Variants in POU2F2 observed in about 807,000 individuals in gnomAD.
The protein encoded by POU2F2 is POU domain, class 2, transcription factor 2.
POU2F2 carries 14 observed loss-of-function variants against 63.5 expected under a neutral mutation model. That is an observed-to-expected ratio of 0.22 (90% CI 0.15 to 0.34). POU2F2 has a LOEUF of 0.34. Ranked by LOEUF, POU2F2 falls within the 10% of genes least tolerant of loss-of-function variation. The pLI, the probability that POU2F2 is intolerant of heterozygous loss-of-function variation, is 1.00. For synonymous variants in POU2F2, 306 were observed against 348.6 expected, an observed-to-expected ratio of 0.88 and a Z score of 1.36; for missense variants, 607 against 815.2, an observed-to-expected ratio of 0.74 and a Z score of 3.11.
intron 1 of POU2F2, among the ~76,000 whole-genome samples, chr19:42,188,383 A>G (rs1373016405): frequency 6.6e-6 from 1 of 151,508 alleles, no homozygotes; most frequent in Non-Finnish European, 1.5e-5. Flanking sequence ...AAAAAAAGAA[A>G]AAAAGGGCCG....
In POU2F2 at chr19:42,096,185, C is replaced by T; in HGVS notation, c.626G>A (p.Cys209Tyr). Reference protein sequence around the residue: ...PHLSHPQPPKCLEPPSHPEEP... With the variant: ...PHLSHPQPPKYLEPPSHPEEP... ...CTCGGGGTGGGATGGTGGCTCCAAG[C>T]ATTTGGGGGGCTGCGGGTGCGAGAG... is the stretch of plus-strand genomic sequence containing the variant. The change falls in exon 8 of 15, where the codon TGC becomes TAC. Residue 209 changes from cysteine (C) to tyrosine (Y), a missense_variant. By Grantham distance (194) the Cys-to-Tyr change is radical. This residue lies in a region of POU2F2 where 224 missense variants were observed against 264.3 expected (regional missense o/e 0.85). Transcript: ENST00000692977. The surrounding 1 kb of genome is among the most constrained non-coding windows in gnomAD (Gnocchi z 4.1). 1 of 1,612,212 alleles carries T rather than the reference C, an allele frequency of 6.2e-7. No homozygotes were observed. The highest frequency in any genetic ancestry group is 8.5e-7 in the Non-Finnish European group (1 of 1,179,184).
At chr19:42,137,475 G>T (rs1023088517), upstream of POU2F2, among the ~76,000 whole-genome samples, 1 of 152,124 alleles carries the variant, frequency 6.6e-6, no homozygotes, top group African/African-American at 2.4e-5. Context: ...TAATCCTGGC[G>T]CTTTGAGAGG....
intron 5 of POU2F2, among the ~76,000 whole-genome samples, chr19:42,101,455 G>A (rs1299860167): frequency 2.0e-5 from 3 of 152,166 alleles, no homozygotes; most frequent in African/African-American, 2.4e-5. Context: ...ACGGGAAGAT[G>A]ATGTGAAGAG....
At chr19:42,124,587 C>G (rs1046769829) in intron 1 of POU2F2, among the ~76,000 whole-genome samples, 2 of 152,180 alleles carry the variant, frequency 1.3e-5, no homozygotes, top group African/African-American at 4.8e-5. Context: ...AAAAGAAACA[C>G]GTGTCCTGCC....
rs761057632 is a variant in POU2F2, at chr19:42,101,902, G to A, written c.370-2081C>T. ...TGAGGCAGGAGAATCGCTTGAAGCCGGGAGGCGGAGGTTGCAGTGAGTTCA... is the reference window on the plus strand; with the variant it reads ...TGAGGCAGGAGAATCGCTTGAAGCCAGGAGGCGGAGGTTGCAGTGAGTTCA... On this transcript the variant is annotated intron_variant, in intron 5 of 14. Coordinates refer to ENST00000692977, the MANE Select transcript of POU2F2 (RefSeq NM_001394376.1). 4.6e-5 allele frequency among the ~76,000 whole-genome samples: 7 copies of A among 151,934 alleles called. No individual in the cohort carries two copies. In the South Asian group the frequency reaches 6.3e-4, roughly 14 times the overall value.
At chr19:42,129,477 C>T (rs980862235) in intron 1 of POU2F2, among the ~76,000 whole-genome samples, 1 of 152,178 alleles carries the variant, frequency 6.6e-6, no homozygotes, top group African/African-American at 2.4e-5. Flanking sequence ...TTTCACTTCT[C>T]CTCTGCATTT....
chr19:42,148,901 C>T lies in POU2F2; in HGVS notation c.-9+11431G>A, dbSNP rs144531259. The stretch of plus-strand genomic sequence containing the variant: ...CATGGACCCAGGCGTCTTGAATCCA[C>T]GCCCCATGTTCCTTAAAGCATGACC... On this transcript the variant is annotated intron_variant, in intron 2 of 6. Coordinates refer to the POU2F2 transcript ENST00000524801. Among the ~76,000 whole-genome samples, 412 of 152,268 alleles carry T rather than the reference C, an allele frequency of 2.7e-3. 3 individuals are homozygous for T. Among genetic ancestry groups the T allele is most frequent in the Non-Finnish European group, 3.9e-3 (264 of 68,018 alleles).
chr19:42,122,020 A>G, intron 4 of POU2F2, 106 bp downstream of exon 4: 2 of 1,204,290 alleles, frequency 1.7e-6, no homozygotes, highest in South Asian at 1.2e-5. Flanking sequence ...CTCGTTACCA[A>G]GGTACCAAGG....
In POU2F2 at chr19:42,091,338, GGAGGATGAGGATGAA is replaced by G; in HGVS notation, c.1779_1793del (p.Ser597_Ser601del). The G allele has an allele frequency of 6.5e-7, 1 of 1,536,072 alleles. No homozygotes were observed. The highest frequency in any genetic ancestry group is 8.7e-7 in the Non-Finnish European group (1 of 1,146,808). On this transcript the variant is annotated inframe_deletion, in exon 15 of 15. Coordinates refer to ENST00000692977, the MANE Select transcript of POU2F2 (RefSeq NM_001394376.1). ...CCGTCTCGCTGCAAGTGGAGGAGGA[GGAGGATGAGGATGAA>G]GAGGATGAGGAGGAGAGGCCAGGAG...
chr19:42,092,187 G>A lies in POU2F2; in HGVS notation c.1348C>T (p.Pro450Ser). 1 of 1,567,548 alleles carries A rather than the reference G, an allele frequency of 6.4e-7. No homozygotes were observed. The change falls in exon 13 of 15, where the codon CCC (proline) becomes TCC (serine). Residue 450 changes from proline to serine, a missense_variant. Pro to Ser is a moderately conservative substitution (Grantham distance 74). This residue lies in a region of POU2F2 where 270 missense variants were observed against 307.5 expected (regional missense o/e 0.88). Transcript: ENST00000692977. This position sits in a 1 kb window ranked among gnomAD's most constrained non-coding sequence, Gnocchi z 5.0. Reference protein sequence around the residue: ...GGGGGGGAAPPLNSIPSVTPP... With the variant: ...GGGGGGGAAPSLNSIPSVTPP... ...GTGACAGAGGGGATGGAATTGAGGG[G>A]GGGCGCAGCCCCGCCCCCGCCCCCA...
intron 2 of POU2F2, among the ~76,000 whole-genome samples, chr19:42,138,093 G>C (rs1483398401): frequency 1.3e-5 from 2 of 152,162 alleles, no homozygotes; most frequent in Non-Finnish European, 2.9e-5. Context: ...GGAGTGGCAT[G>C]GTTCTATGAA....
chr19:42,095,260 C>G lies in POU2F2; in HGVS notation c.1197+26G>C. The G allele has an allele frequency of 6.2e-7, 1 of 1,601,254 alleles. No homozygotes were observed. Reference sequence around the variant, plus strand: ...GTGCCTGCGGAGCTCTGTGGTCTCCCCACCCCCCAGGCGGGCTCTTGGTAC... The same window carrying G: ...GTGCCTGCGGAGCTCTGTGGTCTCCGCACCCCCCAGGCGGGCTCTTGGTAC... On this transcript the variant is annotated intron_variant, in intron 11 of 14. Coordinates refer to ENST00000692977, the MANE Select transcript of POU2F2 (RefSeq NM_001394376.1). This position sits in a 1 kb window ranked among gnomAD's most constrained non-coding sequence, Gnocchi z 7.1.
At chr19:42,097,680 G>A (rs1011608078) in intron 7 of POU2F2, among the ~76,000 whole-genome samples, 2 of 152,044 alleles carry the variant, frequency 1.3e-5, no homozygotes, top group Non-Finnish European at 2.9e-5. Flanking sequence ...CATGTGGGGC[G>A]TGACTGTAGT....
chr19:42,099,484 C>A (rs1376647051), intron 7 of POU2F2, 43 bp downstream of exon 7: 1 of 1,532,506 alleles, frequency 6.5e-7, no homozygotes, highest in Non-Finnish European at 9.0e-7. Context: ...TTCAGCAGGC[C>A]TTGCTGCTGG....
At chr19:42,130,704 TC>T (rs1464173713) in intron 1 of POU2F2, among the ~76,000 whole-genome samples, 8 of 151,336 alleles carry the variant, frequency 5.3e-5, no homozygotes, top group African/African-American at 1.9e-4. Context: ...CTTCCTTTCA[TC>T]CCACCCCTCT....
chr19:42,193,098 C>T (rs1034445431), intron 1 of POU2F2, among the ~76,000 whole-genome samples: 1 of 149,556 alleles, frequency 6.7e-6, no homozygotes. Flanking sequence ...TGGTGGTGGG[C>T]GACTGTAGTC....
intron 4 of POU2F2, 159 bp downstream of exon 4, chr19:42,121,967 G>A: frequency 1.3e-6 from 1 of 752,700 alleles, no homozygotes; most frequent in Non-Finnish European, 2.2e-6. Flanking sequence ...GTGAGTCACA[G>A]GCCTGGGGTG....
chr19:42,165,111 C>CTGTG (rs1453365856), intron 1 of POU2F2, among the ~76,000 whole-genome samples: 2 of 152,164 alleles, frequency 1.3e-5, no homozygotes, highest in Non-Finnish European at 2.9e-5. Context: ...AATTGACAGA[C>CTGTG]TGTGGCTAGG....
At position 42,095,324 on chromosome 19, in the gene POU2F2, G is replaced by A; in HGVS notation, c.1159C>T (p.Pro387Ser). The A allele has an allele frequency of 6.2e-7, 1 of 1,613,856 alleles. No individual in the cohort carries two copies. The highest frequency in any genetic ancestry group is 8.5e-7 in the Non-Finnish European group (1 of 1,179,990). ...TAGCTGGCCGGCTTCCCTGGGCTGG[G>A]CAGCATGGGGGCCGCACTGCAGGGG... ...INPCSAAPML[P>S]SPGKPASYSP... The change falls in exon 11 of 15, where the codon CCC (proline) becomes TCC (serine). Residue 387 changes from proline to serine, a missense_variant. Transcript: ENST00000692977. This position sits in a 1 kb window ranked among gnomAD's most constrained non-coding sequence, Gnocchi z 7.1.
Sources: allele counts gnomAD v4.1 joint callset (sites outside exome capture counted in the v4.1 genomes callset), GRCh38; gene constraint gnomAD v4.1.1; regional missense constraint gnomAD v4.1.1; non-coding constraint Gnocchi (gnomAD v3.1); transcripts MANE v1.5; gene names NCBI Gene and HGNC (gene_info 2026-07-23, HGNC 2026-07-21).